The following ARNT2 variants were observed in gnomAD, a reference collection of about 807,000 sequenced individuals.
The protein encoded by ARNT2 is ARNT protein 2.
In ARNT2, 36 loss-of-function variants were observed where a neutral mutation model predicts 91.7. That is an observed-to-expected ratio of 0.39 (90% CI 0.30 to 0.52). The LOEUF is 0.52. Among genes scored for constraint, ARNT2 ranks in the 20% least tolerant of loss-of-function variants. The pLI is 0.72. For synonymous variants in ARNT2, 365 were observed against 347.1 expected, an observed-to-expected ratio of 1.05 and a Z score of -0.57; for missense variants, 775 against 939.3, an observed-to-expected ratio of 0.83 and a Z score of 2.29.
intron 1 of ARNT2, among the ~76,000 whole-genome samples, chr15:80,429,826 C>T (rs1317706333): frequency 6.6e-6 from 1 of 152,082 alleles, no homozygotes; most frequent in Non-Finnish European, 1.5e-5. Flanking sequence ...GAAAAAAGCC[C>T]GCCCACTGAC....
intron 5 of ARNT2, among the ~76,000 whole-genome samples, chr15:80,477,883 G>A (rs924574824): frequency 6.6e-6 from 1 of 152,148 alleles, no homozygotes; most frequent in Non-Finnish European, 1.5e-5. Flanking sequence ...CAGCTGTTTT[G>A]GAAGGATATT....
chr15:80,570,543 A>G (rs149740492), intron 12 of ARNT2, among the ~76,000 whole-genome samples: 6 of 152,296 alleles, frequency 3.9e-5, no homozygotes, highest in Admixed American at 1.3e-4. Flanking sequence ...TTTCTGAAAT[A>G]TCAATTTGTT....
intron 5 of ARNT2, chr15:80,487,922 C>T (rs920765944): frequency 2.0e-5 from 3 of 152,188 alleles, no homozygotes; most frequent in African/African-American, 7.2e-5. Flanking sequence ...ACAGCCTCCC[C>T]AGCACAGGGC....
intron 8 of ARNT2, among the ~76,000 whole-genome samples, chr15:80,533,114 G>A (rs1188144673): frequency 2.0e-5 from 3 of 152,242 alleles, no homozygotes; most frequent in Admixed American, 1.3e-4. Flanking sequence ...TTGGGGAGGG[G>A]ATTGACAGCC....
At chr15:80,507,090 G>A (rs960832153) in intron 5 of ARNT2, among the ~76,000 whole-genome samples, 2 of 152,212 alleles carry the variant, frequency 1.3e-5, no homozygotes, top group African/African-American at 2.4e-5. Context: ...CAGATGCAGA[G>A]AGAGGATAAG....
At chr15:80,433,545 C>T (rs192424917) in intron 1 of ARNT2, among the ~76,000 whole-genome samples, 1,974 of 152,166 alleles carry the variant, frequency 0.013, 29 homozygotes, top group Non-Finnish European at 0.019. Flanking sequence ...CACCTCCCCC[C>T]GCCTCGGCCT....
At chr15:80,529,914 C>G (rs1897707450) in intron 8 of ARNT2, among the ~76,000 whole-genome samples, 1 of 152,206 alleles carries the variant, frequency 6.6e-6, no homozygotes, top group African/African-American at 2.4e-5. Flanking sequence ...TGAACTCCAT[C>G]TTTGCTGAAT....
Position 80,475,182 on chromosome 15 carries a change from A to G in ARNT2, c.581A>G (p.Lys194Arg). Residue 194 changes from lysine to arginine, a missense_variant, in exon 5 of 19, where the codon AAG (lysine) becomes AGG (arginine). Coordinates refer to ENST00000303329, the MANE Select transcript of ARNT2 (RefSeq NM_014862.4). ...YEQVHPDDVE[K>R]LREQLCTSEN... Reference sequence around the variant, plus strand: ...CAGGTGCATCCTGATGACGTGGAGAAGCTGAGAGAGCAACTGTGCACCTCA... The same window carrying G: ...CAGGTGCATCCTGATGACGTGGAGAGGCTGAGAGAGCAACTGTGCACCTCA... The G allele has an allele frequency of 1.2e-6, 2 of 1,614,180 alleles. No individual in the cohort carries two copies. Among genetic ancestry groups the G allele is most frequent in the Non-Finnish European group, 1.7e-6 (2 of 1,180,038 alleles).
intron 11 of ARNT2, among the ~76,000 whole-genome samples, chr15:80,560,818 A>C (rs1898326698): frequency 6.6e-6 from 1 of 152,172 alleles, no homozygotes; most frequent in Non-Finnish European, 1.5e-5. Flanking sequence ...GCCTGGCCTT[A>C]CTTACTCTGC....
At chr15:80,503,476 CA>C (rs575006893) in intron 5 of ARNT2, among the ~76,000 whole-genome samples, 2 of 152,184 alleles carry the variant, frequency 1.3e-5, no homozygotes, top group Non-Finnish European at 2.9e-5. Context: ...GTCATGACAA[CA>C]GATCATGGAA....
At chr15:80,408,873 T>G (rs1314176167) in intron 1 of ARNT2, among the ~76,000 whole-genome samples, 1 of 152,206 alleles carries the variant, frequency 6.6e-6, no homozygotes, top group African/African-American at 2.4e-5. Context: ...ATATATTTAT[T>G]TTAATTAATT....
intron 12 of ARNT2, among the ~76,000 whole-genome samples, chr15:80,564,156 C>T (rs1293168795): frequency 6.6e-6 from 1 of 152,204 alleles, no homozygotes; most frequent in Non-Finnish European, 1.5e-5. Flanking sequence ...CATGTCTCAC[C>T]ATCGTAGTCA....
intron 5 of ARNT2, among the ~76,000 whole-genome samples, chr15:80,492,553 T>G (rs1308811174): frequency 6.6e-6 from 1 of 152,210 alleles, no homozygotes; most frequent in East Asian, 1.9e-4. Context: ...TTATGATAAT[T>G]TCTTTGAATG....
intron 1 of ARNT2, among the ~76,000 whole-genome samples, chr15:80,407,283 A>G (rs562000703): frequency 3.3e-5 from 5 of 152,230 alleles, no homozygotes; most frequent in African/African-American, 7.2e-5. Context: ...AACCATTTAC[A>G]ATGACACTCT....
intron 1 of ARNT2, among the ~76,000 whole-genome samples, chr15:80,442,115 G>C (rs1419783347): frequency 6.6e-6 from 1 of 152,186 alleles, no homozygotes; most frequent in African/African-American, 2.4e-5. Context: ...AGTTGCAGTT[G>C]GGATAAAAGA....
intron 8 of ARNT2, among the ~76,000 whole-genome samples, chr15:80,549,043 G>A (rs1442140829): frequency 1.3e-5 from 2 of 152,076 alleles, no homozygotes; most frequent in Non-Finnish European, 2.9e-5. Flanking sequence ...TGCCTGAATA[G>A]ACAATTGGGC....
At chr15:80,446,293 A>G (rs1034254603) in intron 1 of ARNT2, among the ~76,000 whole-genome samples, 2 of 152,164 alleles carry the variant, frequency 1.3e-5, no homozygotes, top group African/African-American at 4.8e-5. Context: ...ATGATAAATA[A>G]TTGGCTTTCC....
intron 3 of ARNT2, among the ~76,000 whole-genome samples, chr15:80,460,096 C>T (rs1896531731): frequency 6.6e-6 from 1 of 152,228 alleles, no homozygotes; most frequent in Non-Finnish European, 1.5e-5. Context: ...GAAGCCCCTT[C>T]ATGTGAGGCC....
chr15:80,543,271 G>A lies in ARNT2; in HGVS notation c.878-7928G>A, dbSNP rs543803612. ...ACATCTTTCTAGCATCCCATAAGGT[G>A]AGCATTCTGATACCCATTTTATGTA... On this transcript the variant is annotated intron_variant, in intron 8 of 18. Transcript: ENST00000303329. Among the ~76,000 whole-genome samples the A allele has an allele frequency of 3.9e-5, 6 of 152,236 alleles. No homozygotes were observed. The South Asian group carries it at 1.2e-3, about 32-fold the overall frequency.
Sources: gnomAD v4.1 joint callset for allele counts (sites outside exome capture counted in the v4.1 genomes callset) on GRCh38, gnomAD v4.1.1 for gene constraint, MANE v1.5 for transcripts, NCBI Gene and HGNC (gene_info 2026-07-23, HGNC 2026-07-21) for gene names.